LARP4B: variants seen among roughly 807,000 people sequenced by gnomAD.
LARP4B encodes la-related protein 4B.
A neutral mutation model predicts 89.8 loss-of-function variants in LARP4B; 12 were observed. The observed-to-expected ratio is 0.13, with a 90% CI of 0.09 to 0.22. The LOEUF is 0.22. LARP4B is among the 10% of genes least tolerant of loss of function. The pLI, the probability that LARP4B is intolerant of heterozygous loss-of-function variation, is 1.00. For synonymous variants in LARP4B, 367 were observed against 363.3 expected (o/e 1.01, Z -0.12); for missense variants, 757 against 947.7 (o/e 0.80, Z 2.64).
chr10:984,060 T>C, the LARP4B span, among the ~76,000 whole-genome samples: 2 of 152,250 alleles, frequency 1.3e-5, no homozygotes, highest in Non-Finnish European at 2.9e-5. Flanking sequence ...ATGGTTTCCT[T>C]GTGCAGACCT....
At chr10:968,497 T>C in the LARP4B span, among the ~76,000 whole-genome samples, 1 of 152,212 alleles carries the variant, frequency 6.6e-6, no homozygotes, top group Non-Finnish European at 1.5e-5. Flanking sequence ...TTTTACCCCA[T>C]GTGAGCATCT....
the LARP4B span, chr10:988,213 G>T: frequency 2.2e-6 from 1 of 454,266 alleles, no homozygotes. Flanking sequence ...TTACTCAGCA[G>T]GAATTTAGTC....
chr10:845,220 C>G (rs749495074), intron 5 of LARP4B, among the ~76,000 whole-genome samples, 165 bp from the exon 6 acceptor site: 2 of 151,946 alleles, frequency 1.3e-5, no homozygotes, highest in Non-Finnish European at 2.9e-5. Context: ...GTAAATCATG[C>G]AAAAAAACCT....
In LARP4B at chr10:822,901, G is replaced by C. The variant is rs1046341439; in HGVS notation, c.1485-2056C>G. On this transcript the variant is annotated intron_variant, in intron 13 of 17. Transcript: ENST00000316157. The surrounding 1 kb of genome is among the most constrained non-coding windows in gnomAD (Gnocchi z 4.6). ...ATGCAAGGGTAGGGACATGTGTCTG[G>C]ACTCTGGTAAGGGGTTCTCCAGGAC... Among the ~76,000 whole-genome samples the C allele has an allele frequency of 6.6e-6, 1 of 152,214 alleles. No individual in the cohort carries two copies. Among genetic ancestry groups the C allele is most frequent in the Non-Finnish European group, 1.5e-5 (1 of 68,026 alleles).
At chr10:807,926 A>G (rs1196471409), downstream of LARP4B, 1 of 152,260 alleles carries the variant, frequency 6.6e-6, no homozygotes, top group Non-Finnish European at 1.5e-5. Flanking sequence ...TGGATCGGAA[A>G]CGGCTTGTGC....
intron 11 of LARP4B, among the ~76,000 whole-genome samples, chr10:827,447 T>C (rs766170229): frequency 2.0e-5 from 3 of 152,158 alleles, no homozygotes; most frequent in Non-Finnish European, 4.4e-5. Flanking sequence ...ATTGGTCATA[T>C]ATAAAAAATA....
chr10:834,995 G>A (rs935670925), intron 8 of LARP4B, among the ~76,000 whole-genome samples: 1 of 149,682 alleles, frequency 6.7e-6, no homozygotes, highest in East Asian at 1.9e-4. Flanking sequence ...AGCCGAGATC[G>A]TGCCACTGCA....
intron 1 of LARP4B, among the ~76,000 whole-genome samples, chr10:892,902 A>T (rs1055500951): frequency 5.1e-5 from 6 of 117,946 alleles, no homozygotes; most frequent in African/African-American, 1.7e-4. Flanking sequence ...ACCAAGAGAA[A>T]TTTTTTTTTT....
At chr10:980,843 C>G in the LARP4B span, among the ~76,000 whole-genome samples, 2 of 152,258 alleles carry the variant, frequency 1.3e-5, no homozygotes, top group African/African-American at 2.4e-5. Flanking sequence ...GGTCATTCTG[C>G]AGCCTGCTTT....
At chr10:968,927 T>A in the LARP4B span, among the ~76,000 whole-genome samples, 1 of 152,252 alleles carries the variant, frequency 6.6e-6, no homozygotes, top group East Asian at 1.9e-4. Context: ...TATGATCTTA[T>A]GCTTTATTCA....
At chr10:882,577 C>T (rs1409534113) in intron 3 of LARP4B, among the ~76,000 whole-genome samples, 5 of 151,964 alleles carry the variant, frequency 3.3e-5, no homozygotes, top group Non-Finnish European at 5.9e-5. Context: ...TTAGTAGGGA[C>T]GGGGTTTCAC....
At chr10:820,882 C>T (rs953763099) in intron 13 of LARP4B, 37 bp from the exon 14 acceptor site, 3 of 1,593,584 alleles carry the variant, frequency 1.9e-6, no homozygotes, top group Admixed American at 3.4e-5. Context: ...TTATTTTTTT[C>T]CCACTTGGAG....
At chr10:890,696 T>C (rs906036972) in intron 1 of LARP4B, among the ~76,000 whole-genome samples, 4 of 152,126 alleles carry the variant, frequency 2.6e-5, no homozygotes, top group African/African-American at 9.7e-5. Flanking sequence ...TGCAATTTTG[T>C]AGTTTGGACT....
chr10:814,543 A>T lies in LARP4B; in HGVS notation c.1929+199T>A. The T allele has an allele frequency of 8.2e-7, 1 of 1,222,220 alleles. No homozygotes were observed. The highest frequency in any genetic ancestry group is 1.2e-6 in the Non-Finnish European group (1 of 859,446). The allele number at this position is 1,222,220 out of a possible 1,614,324, so 75.7% of individuals were successfully genotyped here. A position where few individuals can be genotyped will look rare whatever the true frequency, so the allele number is the denominator to read the frequency against. The stretch of plus-strand genomic sequence containing the variant: ...TAAAAGGACTACATGGTGGTCTGAG[A>T]AAGAACTAGAGTAGTTAGTGGAAAA... On this transcript the variant is annotated intron_variant, in intron 17 of 17. Transcript: ENST00000316157. This position sits in a 1 kb window ranked among gnomAD's most constrained non-coding sequence, Gnocchi z 4.4.
intron 5 of LARP4B, among the ~76,000 whole-genome samples, chr10:849,965 C>T (rs987378288): frequency 1.5e-4 from 23 of 152,088 alleles, no homozygotes; most frequent in African/African-American, 3.9e-4. Flanking sequence ...CCTAAGGAGA[C>T]GTAACAATGA....
At chr10:957,624 T>A in the LARP4B span, among the ~76,000 whole-genome samples, 2 of 152,190 alleles carry the variant, frequency 1.3e-5, no homozygotes, top group African/African-American at 4.8e-5. Flanking sequence ...GTGATGGGAT[T>A]ATTTTTTGGG....
the LARP4B span, among the ~76,000 whole-genome samples, chr10:959,822 ATTCCCACCTCCTCGTC>A: frequency 9.4e-6 from 1 of 106,276 alleles, no homozygotes; most frequent in African/African-American, 3.8e-5. Context: ...CCTCCTCGTC[ATTCCCACCTCCTCGTC>A]ATTCCCACCT....
intron 17 of LARP4B, among the ~76,000 whole-genome samples, chr10:814,000 A>G (rs1346972465): frequency 2.6e-5 from 4 of 151,956 alleles, no homozygotes; most frequent in Non-Finnish European, 2.9e-5. Context: ...ACAGGGTTTC[A>G]CCATGTTGTT....
intron 11 of LARP4B, 98 bp downstream of exon 11, chr10:829,287 G>A: frequency 2.0e-6 from 2 of 997,928 alleles, no homozygotes; most frequent in South Asian, 1.8e-5. Context: ...ATGTCAGACT[G>A]CACACATATC....
Sources: allele counts gnomAD v4.1 joint callset (sites outside exome capture counted in the v4.1 genomes callset), GRCh38; gene constraint gnomAD v4.1.1; non-coding constraint Gnocchi (gnomAD v3.1); transcripts MANE v1.5; gene names NCBI Gene and HGNC (gene_info 2026-07-23, HGNC 2026-07-21).